The following EPHA4 variants were observed in gnomAD, a reference collection of about 807,000 sequenced individuals.
EPHA4 encodes ephrin type-A receptor 4.
In EPHA4, 19 loss-of-function variants were observed where a neutral mutation model predicts 108.3. The ratio of observed to expected loss-of-function variants is 0.18; its 90% CI spans 0.12 to 0.26. EPHA4 has a LOEUF of 0.26. EPHA4 is among the 10% of genes least tolerant of loss of function. The pLI, the probability that EPHA4 is intolerant of heterozygous loss-of-function variation, is 1.00. For synonymous variants in EPHA4, 449 were observed against 455.5 expected (o/e 0.99, Z 0.18); for missense variants, 917 against 1,254.0 (o/e 0.73, Z 4.06).
At chr2:221,429,848 G>A in intron 15 of EPHA4, 110 bp downstream of exon 15, 1 of 1,180,704 alleles carries the variant, frequency 8.5e-7, no homozygotes, top group East Asian at 2.4e-5. Flanking sequence ...AGGTTGCAGA[G>A]AGCCATGAAG....
intron 3 of EPHA4, among the ~76,000 whole-genome samples, chr2:221,541,372 C>T (rs1187721634): frequency 6.6e-6 from 1 of 152,046 alleles, no homozygotes; most frequent in Non-Finnish European, 1.5e-5. Context: ...ATCAGTAAGC[C>T]AAATTCAAGC....
intron 11 of EPHA4, 137 bp downstream of exon 11, chr2:221,442,692 A>T: frequency 1.2e-6 from 1 of 838,272 alleles, no homozygotes; most frequent in Non-Finnish European, 1.8e-6. Flanking sequence ...TACAAGATTA[A>T]TGACTTGTCC....
At chr2:221,512,808 C>T (rs1692867788) in intron 3 of EPHA4, among the ~76,000 whole-genome samples, 1 of 152,100 alleles carries the variant, frequency 6.6e-6, no homozygotes, top group Non-Finnish European at 1.5e-5. Context: ...ACAGTAATGG[C>T]AATAATGAGA....
Position 221,426,521 on chromosome 2 carries a change from T to G in EPHA4, c.2789A>C (p.Asp930Ala). ...LQAIKMDRYKDNFTAAGYTTL... is the reference protein window; with the variant it reads ...LQAIKMDRYKANFTAAGYTTL... Reference sequence around the variant, plus strand: ...GGTATAACCAGCAGCTGTGAAGTTATCCTTATACCGGTCCATTTTAATGGC... The same window carrying G: ...GGTATAACCAGCAGCTGTGAAGTTAGCCTTATACCGGTCCATTTTAATGGC... Residue 930 changes from aspartate (D) to alanine (A), a missense_variant, in exon 16 of 18, where the codon GAT (aspartate) becomes GCT (alanine). Asp to Ala is a moderately radical substitution (Grantham distance 126, BLOSUM62 -2). Coordinates refer to ENST00000281821, the MANE Select transcript of EPHA4 (RefSeq NM_004438.5). 6.2e-7 allele frequency: 1 copy of G among 1,614,102 alleles called. No individual in the cohort carries two copies. The highest frequency in any genetic ancestry group is 1.1e-5 in the South Asian group (1 of 91,044).
intron 7 of EPHA4, among the ~76,000 whole-genome samples, chr2:221,455,976 A>T (rs1690936933): frequency 6.6e-6 from 1 of 152,108 alleles, no homozygotes. Flanking sequence ...TGTGAACAAA[A>T]TTTCTTTCTT....
At chr2:221,541,991 T>C (rs1055016873) in intron 3 of EPHA4, among the ~76,000 whole-genome samples, 2 of 152,238 alleles carry the variant, frequency 1.3e-5, no homozygotes, top group African/African-American at 4.8e-5. Context: ...TATACTCTTA[T>C]TGCTGAAGAG....
intron 8 of EPHA4, among the ~76,000 whole-genome samples, chr2:221,451,999 A>C (rs1690801897): frequency 6.6e-6 from 1 of 152,222 alleles, no homozygotes; most frequent in Non-Finnish European, 1.5e-5. Context: ...TTGCTATAAA[A>C]AAAATCTAGC....
intron 5 of EPHA4, among the ~76,000 whole-genome samples, chr2:221,473,392 C>A (rs896404034): frequency 2.6e-5 from 4 of 151,924 alleles, no homozygotes. Flanking sequence ...TTATTGTATA[C>A]CCACATCACA....
intron 3 of EPHA4, among the ~76,000 whole-genome samples, chr2:221,530,037 C>A (rs1693458775): frequency 6.6e-6 from 1 of 152,152 alleles, no homozygotes; most frequent in Admixed American, 6.5e-5. Flanking sequence ...ATAATAAACA[C>A]CCAACGCAAA....
chr2:221,433,076 G>A (rs907641394), intron 14 of EPHA4, among the ~76,000 whole-genome samples: 6 of 151,868 alleles, frequency 4.0e-5, no homozygotes, highest in Non-Finnish European at 7.4e-5. Flanking sequence ...CACCCGCCTC[G>A]GCCTCCCAAA....
chr2:221,522,735 C>CTATTATTAT (rs6147191), intron 3 of EPHA4, among the ~76,000 whole-genome samples: 15 of 148,726 alleles, frequency 1.0e-4, no homozygotes, highest in African/African-American at 2.7e-4. Context: ...AAATAAAATC[C>CTATTATTAT]TATTATTATT....
In EPHA4 at chr2:221,446,307, A is replaced by G. The variant is rs111558558; in HGVS notation, c.1716-126T>C. On this transcript the variant is annotated intron_variant, in intron 8 of 17. Transcript: ENST00000281821. ...ATGCTATGTACATTTCAGAGATGAG[A>G]AAACTGAGACTTACAAGAGATGAAA... 2,034 of 429,890 alleles carry G rather than the reference A, an allele frequency of 4.7e-3. 41 individuals are homozygous for G. The highest frequency in any genetic ancestry group is 0.037 in the African/African-American group (1,806 of 48,852). The allele number at this position is 429,890 out of a possible 1,614,324, so 26.6% of individuals were successfully genotyped here. A position where few individuals can be genotyped will look rare whatever the true frequency, so the allele number is the denominator to read the frequency against.
intron 5 of EPHA4, among the ~76,000 whole-genome samples, chr2:221,480,025 A>C (rs887926907): frequency 1.4e-4 from 21 of 152,242 alleles, no homozygotes; most frequent in African/African-American, 4.8e-4. Flanking sequence ...TTATACCTAC[A>C]TTTAAAATAA....
chr2:221,547,668 A>AT (rs1161739741), intron 3 of EPHA4, among the ~76,000 whole-genome samples: 1 of 152,194 alleles, frequency 6.6e-6, no homozygotes, highest in East Asian at 1.9e-4. Flanking sequence ...TCACTCAGGC[A>AT]TTTTTAAATA....
chr2:221,569,544 T>C (rs1694764339), intron 1 of EPHA4: 1 of 151,914 alleles, frequency 6.6e-6, no homozygotes, highest in South Asian at 2.1e-4. Flanking sequence ...CGTCAAAGCT[T>C]GGGGGGAAGG....
chr2:221,449,054 T>G (rs1690686117), intron 8 of EPHA4, among the ~76,000 whole-genome samples: 2 of 152,170 alleles, frequency 1.3e-5, no homozygotes, highest in Admixed American at 6.5e-5. Flanking sequence ...GGTGAAGGTG[T>G]GTTTTTAAAT....
At chr2:221,558,322 G>A (rs1218331607) in intron 3 of EPHA4, among the ~76,000 whole-genome samples, 1 of 152,058 alleles carries the variant, frequency 6.6e-6, no homozygotes, top group Non-Finnish European at 1.5e-5. Flanking sequence ...GTGTGTGTGT[G>A]GGCAGGGAAT....
chr2:221,514,233 G>A (rs1017771827), intron 3 of EPHA4, among the ~76,000 whole-genome samples: 3 of 152,090 alleles, frequency 2.0e-5, no homozygotes, highest in African/African-American at 4.8e-5. Flanking sequence ...TGACAAGGAC[G>A]ACTTGGCAGT....
intron 3 of EPHA4, among the ~76,000 whole-genome samples, chr2:221,542,768 C>G (rs534982459): frequency 2.2e-4 from 34 of 152,228 alleles, no homozygotes; most frequent in East Asian, 1.4e-3. Context: ...AATACATAAC[C>G]CTTTATGTTA....
Sources: gnomAD v4.1 joint callset for allele counts (sites outside exome capture counted in the v4.1 genomes callset) on GRCh38, gnomAD v4.1.1 for gene constraint, MANE v1.5 for transcripts, NCBI Gene and HGNC (gene_info 2026-07-23, HGNC 2026-07-21) for gene names.